Variants in DNMT3A observed in about 807,000 individuals in gnomAD.
DNMT3A encodes the protein DNA (cytosine-5)-methyltransferase 3A.
Under a neutral mutation model 117.6 loss-of-function variants are expected in DNMT3A, and 267 were observed. That is an observed-to-expected ratio of 2.27 (90% CI 2.05 to 2.51). The LOEUF (loss-of-function observed/expected upper bound fraction) is 2.51. DNMT3A is among the 30% of genes most tolerant of loss of function. DNMT3A has a pLI of 0.00. For missense variants in DNMT3A, 1,029 were observed against 1,260.2 expected, an observed-to-expected ratio of 0.82 and a Z score of 2.78; for synonymous variants, 432 against 474.8, an observed-to-expected ratio of 0.91 and a Z score of 1.17.
intron 1 of DNMT3A, among the ~76,000 whole-genome samples, chr2:25,341,338 T>G (rs2035438575): frequency 7.0e-6 from 1 of 142,626 alleles, no homozygotes; most frequent in Non-Finnish European, 1.5e-5. Flanking sequence ...GGCCGATCCT[T>G]CTGGGTCGGG....
intron 2 of DNMT3A, among the ~76,000 whole-genome samples, chr2:25,312,859 G>A (rs189000175): frequency 1.3e-5 from 2 of 152,282 alleles, no homozygotes; most frequent in African/African-American, 4.8e-5. Flanking sequence ...CCCAAAGCTG[G>A]TGCCAGGTGT....
rs1175186554 is a variant in DNMT3A at position 25,264,132 on chromosome 2, G to GTTTT, written c.639+10805_639+10808dup. ...TCAGTAAAGGCTGGACAACCCTTTG[G>GTTTT]TTTTTTTTTTTTTTTTTTTTTTTTT... On this transcript the variant is annotated intron_variant, in intron 6 of 22. Coordinates refer to ENST00000321117, the MANE Select transcript of DNMT3A (RefSeq NM_022552.5). Among the ~76,000 whole-genome samples, 246 of 73,722 alleles carry GTTTT rather than the reference G, an allele frequency of 3.3e-3. 4 individuals are homozygous for GTTTT. The highest frequency in any genetic ancestry group is 6.0e-3 in the Admixed American group (29 of 4,796). 48.4% of individuals were successfully genotyped at this position (73,722 alleles called of 152,430 possible). A position where few individuals can be genotyped will look rare whatever the true frequency, so the allele number is the denominator to read the frequency against.
At chr2:25,289,472 G>A (rs1380381217) in intron 3 of DNMT3A, among the ~76,000 whole-genome samples, 1 of 152,148 alleles carries the variant, frequency 6.6e-6, no homozygotes, top group Non-Finnish European at 1.5e-5. Context: ...GCATACATAT[G>A]CTTATAAAAT....
chr2:25,252,474 TCTC>T lies in DNMT3A; in HGVS notation c.640-4225_640-4223del. On this transcript the variant is annotated intron_variant, in intron 6 of 22. Transcript: ENST00000321117. This position sits in a 1 kb window ranked among gnomAD's most constrained non-coding sequence, Gnocchi z 5.5. Reference sequence around the variant, plus strand: ...ACGCTGGCGCTGGGCCAGCCCCTCTTCTCCGGTCCGAGGGGCGCGGGGCCGGGG... The same window carrying T: ...ACGCTGGCGCTGGGCCAGCCCCTCTTCGGTCCGAGGGGCGCGGGGCCGGGG... 6.6e-6 allele frequency among the ~76,000 whole-genome samples: 1 copy of T among 151,660 alleles called. No homozygotes were observed. Among genetic ancestry groups the T allele is most frequent in the Non-Finnish European group, 1.5e-5 (1 of 67,824 alleles).
chr2:25,326,859 C>T (rs978373880), intron 1 of DNMT3A, among the ~76,000 whole-genome samples: 11 of 152,202 alleles, frequency 7.2e-5, no homozygotes, highest in African/African-American at 2.7e-4. Context: ...GTCAGGAGTA[C>T]CCAACAGCCA....
At chr2:25,308,997 A>ACACG (rs1239439935) in intron 2 of DNMT3A, among the ~76,000 whole-genome samples, 4 of 151,850 alleles carry the variant, frequency 2.6e-5, no homozygotes, top group East Asian at 1.9e-4. Flanking sequence ...ACACACACAC[A>ACACG]CACGCACGCA....
At position 25,254,857 on chromosome 2, in the gene DNMT3A, C is replaced by T. The variant is rs1675981416; in HGVS notation, c.640-6605G>A. Among the ~76,000 whole-genome samples the T allele has an allele frequency of 6.6e-6, 1 of 152,236 alleles. No homozygotes were observed. The highest frequency in any genetic ancestry group is 1.5e-5 in the Non-Finnish European group (1 of 68,046). On this transcript the variant is annotated intron_variant, in intron 6 of 22. Transcript: ENST00000321117. This position sits in a 1 kb window ranked among gnomAD's most constrained non-coding sequence, Gnocchi z 4.7. ...TCTGTGGTCTTGGGACATAAGACTG[C>T]AATGATGCCGTGCGTGCAGCAAGGA...
chr2:25,307,612 C>T (rs1303508540), intron 2 of DNMT3A, among the ~76,000 whole-genome samples: 4 of 152,166 alleles, frequency 2.6e-5, no homozygotes, highest in Admixed American at 6.5e-5. Context: ...ATTACAGGCA[C>T]GCACCACCAC....
chr2:25,252,679 G>A lies in DNMT3A; in HGVS notation c.640-4427C>T, dbSNP rs1302692625. On this transcript the variant is annotated intron_variant, in intron 6 of 22. Transcript: ENST00000321117. This position sits in a 1 kb window ranked among gnomAD's most constrained non-coding sequence, Gnocchi z 5.5. ...CCGAGCCGCCTGCCCGGAGGGAGCC[G>A]GGGGTCCGGGCGAAAGCAAGCCGGA... Among the ~76,000 whole-genome samples, 1 of 152,170 alleles carries A rather than the reference G, an allele frequency of 6.6e-6. No individual in the cohort carries two copies. The highest frequency in any genetic ancestry group is 1.5e-5 in the Non-Finnish European group (1 of 68,018).
chr2:25,272,651 C>T, intron 6 of DNMT3A, among the ~76,000 whole-genome samples: 1 of 152,172 alleles, frequency 6.6e-6, no homozygotes, highest in East Asian at 1.9e-4. Context: ...ACACAACATT[C>T]CACGCACAGG....
Position 25,247,006 on chromosome 2 carries a change from T to C in DNMT3A, c.1122+45A>G. ...CCTGCACTCCAACTTCCAGGCCTCC[T>C]AGTGCTCTAGGCTCCTCCTCCGAGC... On this transcript the variant is annotated intron_variant, in intron 9 of 22. Transcript: ENST00000321117. The surrounding 1 kb of genome is among the most constrained non-coding windows in gnomAD (Gnocchi z 5.6). 1.3e-6 allele frequency: 2 copies of C among 1,591,644 alleles called. No homozygotes were observed. The highest frequency in any genetic ancestry group is 2.3e-5 in the East Asian group (1 of 43,686).
chr2:25,230,183 C>G lies in DNMT3A; in HGVS notation c.*4096G>C, dbSNP rs1318924452. 6.6e-6 allele frequency: 1 copy of G among 152,284 alleles called. No homozygotes were observed. The highest frequency in any genetic ancestry group is 1.5e-5 in the Non-Finnish European group (1 of 68,068). 9.4% of individuals were successfully genotyped at this position (152,284 alleles called of 1,614,324 possible). A position where few individuals can be genotyped will look rare whatever the true frequency, so the allele number is the denominator to read the frequency against. On this transcript the variant is annotated 3_prime_UTR_variant, in exon 23 of 23. Coordinates refer to ENST00000321117, the MANE Select transcript of DNMT3A (RefSeq NM_022552.5). ...TCTCTGGGGCCTAGAGACAAAAGGA[C>G]AGCAACAGATTCATGTCATCATCTA... is the stretch of plus-strand genomic sequence containing the variant.
Position 25,314,168 on chromosome 2 carries a change from G to A in DNMT3A, c.-177-7C>T. 6.3e-6 allele frequency: 9 copies of A among 1,422,786 alleles called. No homozygotes were observed. The highest frequency in any genetic ancestry group is 7.3e-6 in the Non-Finnish European group (8 of 1,092,162). The allele number at this position is 1,422,786 out of a possible 1,614,324, so 88.1% of individuals were successfully genotyped here. On this transcript the variant is annotated splice_polypyrimidine_tract_variant and splice_region_variant and intron_variant, in intron 1 of 22. Coordinates refer to ENST00000321117, the MANE Select transcript of DNMT3A (RefSeq NM_022552.5). ...GGGGCTTCGATGGCTCCACCTGTGG[G>A]GGAGAGAAGAGGATCAGTGGGGCGG... is the stretch of plus-strand genomic sequence containing the variant.
At chr2:25,290,218 A>G (rs903558876) in intron 3 of DNMT3A, among the ~76,000 whole-genome samples, 1 of 151,976 alleles carries the variant, frequency 6.6e-6, no homozygotes, top group South Asian at 2.1e-4. Context: ...GTGTGACCAT[A>G]GCTCCCTGCA....
chr2:25,243,896 AC>A lies in DNMT3A; in HGVS notation c.1936+1del. ...AGCACCTCTTGGGCCTGCACCCCTC[AC>A]CTGTAGCGATTCCATCAAAGAGAGA... On this transcript the variant is annotated splice_donor_variant, in intron 16 of 22. Transcript: ENST00000321117. LOFTEE classifies it high-confidence loss of function. 6.4e-7 allele frequency: 1 copy of A among 1,551,808 alleles called. No homozygotes were observed. The highest frequency in any genetic ancestry group is 8.7e-7 in the Non-Finnish European group (1 of 1,147,008).
intron 1 of DNMT3A, chr2:25,314,811 C>A: frequency 1.5e-6 from 1 of 664,574 alleles, no homozygotes; most frequent in Non-Finnish European, 1.9e-6. Context: ...TCCCCCACCC[C>A]ATGAACCAGC....
In DNMT3A at chr2:25,282,577, C is replaced by T. The variant is rs1211246870; in HGVS notation, c.312G>A (p.Gly104=). The change falls in exon 4 of 23, where the codon GGG becomes GGA. Residue 104 remains glycine, a synonymous_variant. Transcript: ENST00000321117. The surrounding 1 kb of genome is among the most constrained non-coding windows in gnomAD (Gnocchi z 5.2). ...EKRSEPQPEE[G]SPAGGQKGGA... ...CGCCCTTCTGCCCCCCAGCAGGGCT[C>T]CCCTCCTCTGGCTGGGGCTCACTCC... The T allele has an allele frequency of 6.2e-7, 1 of 1,613,470 alleles. No homozygotes were observed. The highest frequency in any genetic ancestry group is 8.5e-7 in the Non-Finnish European group (1 of 1,180,004).
chr2:25,341,766 C>A, intron 1 of DNMT3A, 60 bp downstream of exon 1: 1 of 969,486 alleles, frequency 1.0e-6, no homozygotes, highest in Non-Finnish European at 1.2e-6. Context: ...CCGCCCGGCT[C>A]CCCGGCTCCC....
At position 25,275,765 on chromosome 2, in the gene DNMT3A, G is replaced by A. The variant is rs2031359939; in HGVS notation, c.449-222C>T. 2.0e-5 allele frequency among the ~76,000 whole-genome samples: 3 copies of A among 152,310 alleles called. No individual in the cohort carries two copies. The South Asian group carries it at 6.2e-4, about 32-fold the overall frequency. ...AGGGCAGAGAAAGAACTCGGGCAGG[G>A]GCAGGCCTTGAGGCCCAGGCAAGAG... On this transcript the variant is annotated intron_variant, in intron 4 of 22. Transcript: ENST00000321117.
Sources: gnomAD v4.1 joint callset for allele counts (sites outside exome capture counted in the v4.1 genomes callset) on GRCh38, gnomAD v4.1.1 for gene constraint, Gnocchi (gnomAD v3.1) non-coding constraint, MANE v1.5 for transcripts, NCBI Gene and HGNC (gene_info 2026-07-23, HGNC 2026-07-21) for gene names.